Variants in THEMIS observed in about 807,000 individuals in gnomAD.
THEMIS encodes protein THEMIS.
A neutral mutation model predicts 52.6 loss-of-function variants in THEMIS; 37 were observed. The ratio of observed to expected loss-of-function variants is 0.70; its 90% confidence interval spans 0.54 to 0.93. The LOEUF (loss-of-function observed/expected upper bound fraction) is 0.93. THEMIS is among the 40% of genes least tolerant of loss of function. The pLI, the probability that THEMIS is intolerant of heterozygous loss-of-function variation, is 0.00. For synonymous variants in THEMIS, 292 were observed against 272.7 expected (o/e 1.07, Z -0.70); for missense variants, 808 against 763.1 (o/e 1.06, Z -0.69).
intron 3 of THEMIS, among the ~76,000 whole-genome samples, chr6:127,817,227 G>C (rs143359824): frequency 0.011 from 1,651 of 152,142 alleles, 14 homozygotes; most frequent in Non-Finnish European, 0.017. Flanking sequence ...GCGTATAGTA[G>C]ATACTCAATA....
At chr6:127,698,572 A>G in the THEMIS span, among the ~76,000 whole-genome samples, 3 of 152,166 alleles carry the variant, frequency 2.0e-5, no homozygotes, top group South Asian at 6.2e-4. Context: ...TCCTGTTATA[A>G]TGTTTATCCT....
chr6:127,736,078 T>C (rs757676014), intron 4 of THEMIS, among the ~76,000 whole-genome samples: 1 of 152,206 alleles, frequency 6.6e-6, no homozygotes, highest in Admixed American at 6.5e-5. Flanking sequence ...CTTGGTGAAT[T>C]GTAGGGAGTG....
At chr6:127,873,259 T>C (rs1343873402) in intron 1 of THEMIS, among the ~76,000 whole-genome samples, 3 of 152,210 alleles carry the variant, frequency 2.0e-5, no homozygotes, top group Non-Finnish European at 2.9e-5. Context: ...ATCAACATTT[T>C]TGTAAATTTT....
intron 4 of THEMIS, among the ~76,000 whole-genome samples, chr6:127,734,785 C>A (rs1774931139): frequency 1.4e-5 from 2 of 143,828 alleles, no homozygotes; most frequent in African/African-American, 5.2e-5. Flanking sequence ...AGGAGAATCG[C>A]TTGAACCCGA....
At chr6:127,803,314 C>A (rs937892167) in intron 4 of THEMIS, among the ~76,000 whole-genome samples, 2 of 152,132 alleles carry the variant, frequency 1.3e-5, no homozygotes, top group Non-Finnish European at 2.9e-5. Context: ...CTTTTCATCA[C>A]CCGAAAATGT....
chr6:127,889,833 A>C (rs925260485), intron 1 of THEMIS, among the ~76,000 whole-genome samples: 1 of 152,126 alleles, frequency 6.6e-6, no homozygotes. Flanking sequence ...GGTGAAGTTA[A>C]GTTGATTTAA....
chr6:127,829,842 G>T lies in THEMIS; in HGVS notation c.343C>A (p.Pro115Thr), dbSNP rs1778639321. 6.2e-7 allele frequency: 1 copy of T among 1,614,052 alleles called. No individual in the cohort carries two copies. The highest frequency in any genetic ancestry group is 1.7e-5 in the Admixed American group (1 of 60,018). The change falls in exon 3 of 6, where the codon CCT becomes ACT. Residue 115 changes from proline to threonine, a missense_variant. Physicochemically the swap from Pro to Thr is conservative, Grantham distance 38. Transcript: ENST00000368248. ...ATATCCTTCTGATGATAGAAGCAAG[G>T]ATGCCCTAGTCTACTTGGTCCAATA... ...IHIGPSRLGHPCFYHQKDIKL... is the reference protein window; with the variant it reads ...IHIGPSRLGHTCFYHQKDIKL...
At chr6:127,837,402 T>C (rs576319834) in intron 2 of THEMIS, among the ~76,000 whole-genome samples, 7 of 152,088 alleles carry the variant, frequency 4.6e-5, no homozygotes, top group Non-Finnish European at 5.9e-5. Context: ...GTTGAGTACA[T>C]GTTATGTGCC....
intron 4 of THEMIS, among the ~76,000 whole-genome samples, chr6:127,778,261 C>T (rs372198314): frequency 3.9e-5 from 6 of 152,170 alleles, no homozygotes; most frequent in African/African-American, 1.4e-4. Context: ...ACAATCTTCC[C>T]TATAGCACAG....
At chr6:127,758,920 C>G (rs537606952) in intron 4 of THEMIS, among the ~76,000 whole-genome samples, 12 of 151,992 alleles carry the variant, frequency 7.9e-5, no homozygotes, top group Non-Finnish European at 1.3e-4. Context: ...GTAATTGGTG[C>G]AGTATTATGC....
intron 1 of THEMIS, among the ~76,000 whole-genome samples, chr6:127,884,895 T>A (rs1209620745): frequency 1.3e-5 from 2 of 152,160 alleles, no homozygotes; most frequent in East Asian, 1.9e-4. Flanking sequence ...CTTCATTGCA[T>A]GTGTGTATGT....
At chr6:127,848,050 T>A (rs985145879) in intron 2 of THEMIS, among the ~76,000 whole-genome samples, 2 of 136,284 alleles carry the variant, frequency 1.5e-5, no homozygotes, top group South Asian at 5.6e-4. Context: ...GTATATCTCC[T>A]AATGCTATCC....
At chr6:127,901,246 G>T (rs958708498), upstream of THEMIS, among the ~76,000 whole-genome samples, 5 of 152,080 alleles carry the variant, frequency 3.3e-5, no homozygotes, top group Non-Finnish European at 7.4e-5. Flanking sequence ...GCTAAGTAGC[G>T]CATTCTGTCC....
chr6:127,806,018 A>G (rs751461646), intron 4 of THEMIS, among the ~76,000 whole-genome samples: 4 of 151,976 alleles, frequency 2.6e-5, no homozygotes, highest in Non-Finnish European at 5.9e-5. Context: ...GAACATAAAT[A>G]TCTAGTGAGC....
At chr6:127,854,920 T>A (rs903185439) in intron 2 of THEMIS, 110 bp downstream of exon 2, 2 of 915,494 alleles carry the variant, frequency 2.2e-6, no homozygotes, top group African/African-American at 3.5e-5. Context: ...TTCCCCCCCA[T>A]TATCCTAGAG....
At chr6:127,910,218 A>C (rs1781377161) in intron 1 of THEMIS, among the ~76,000 whole-genome samples, 2 of 152,114 alleles carry the variant, frequency 1.3e-5, no homozygotes, top group South Asian at 4.1e-4. Flanking sequence ...TTTTTTTATA[A>C]AGAATTACAG....
In THEMIS at chr6:127,709,871, A is replaced by G. The variant is rs900800706; in HGVS notation, c.*114T>C. The G allele has an allele frequency of 3.4e-6, 3 of 872,712 alleles. No individual in the cohort carries two copies. Among genetic ancestry groups the G allele is most frequent in the Non-Finnish European group, 5.3e-6 (3 of 564,070 alleles). The allele number at this position is 872,712 out of a possible 1,614,324, so 54.1% of individuals were successfully genotyped here. On this transcript the variant is annotated 3_prime_UTR_variant, in exon 6 of 6. Coordinates refer to ENST00000368248, the MANE Select transcript of THEMIS (RefSeq NM_001010923.3). ...GTTGTTCTTTCCTTTGCAGCGATGA[A>G]TCAAGTTTCTTCTGGAGTCCATTGG...
chr6:127,702,280 C>G, the THEMIS span, among the ~76,000 whole-genome samples: 6 of 152,060 alleles, frequency 3.9e-5, no homozygotes, highest in African/African-American at 1.4e-4. Context: ...ATTTTATATC[C>G]TCCTTCTGAA....
intron 4 of THEMIS, among the ~76,000 whole-genome samples, chr6:127,774,793 A>G (rs968450791): frequency 6.6e-6 from 1 of 152,134 alleles, no homozygotes; most frequent in Non-Finnish European, 1.5e-5. Context: ...TCAGAATCTC[A>G]TCATGTAAAT....
Sources: allele counts gnomAD v4.1 joint callset (sites outside exome capture counted in the v4.1 genomes callset), GRCh38; gene constraint gnomAD v4.1.1; transcripts MANE v1.5; gene names NCBI Gene and HGNC (gene_info 2026-07-23, HGNC 2026-07-21).